CASK: variants seen among roughly 807,000 people sequenced by gnomAD.
The protein encoded by CASK is calcium/calmodulin dependent serine protein kinase, also known as peripheral plasma membrane protein CASK.
Under a neutral mutation model 82.9 loss-of-function variants are expected in CASK, and 4 were observed. The ratio of observed to expected loss-of-function variants is 0.05; its 90% CI spans 0.02 to 0.11. The LOEUF (loss-of-function observed/expected upper bound fraction) is 0.11. CASK is among the 10% of genes least tolerant of loss of function. The pLI is 1.00. For synonymous variants in CASK, 259 were observed against 253.5 expected (o/e 1.02, Z -0.20); for missense variants, 358 against 720.9 (o/e 0.50, Z 5.76).
At chrX:41,869,944 A>G (rs929039340) in intron 1 of CASK, among the ~76,000 whole-genome samples, 1 of 109,663 alleles carries the variant, frequency 9.1e-6, no homozygotes, top group Admixed American at 9.9e-5. Context: ...CACCATGGAG[A>G]AAAACAAAAA....
chrX:41,754,566 T>C (rs1479782206), intron 3 of CASK, among the ~76,000 whole-genome samples: 1 of 111,503 alleles, frequency 9.0e-6, no homozygotes, highest in African/African-American at 3.3e-5. Context: ...TAAAAGTTGT[T>C]CCCTGTGAAA....
At chrX:41,791,257 A>G (rs1334323966) in intron 2 of CASK, among the ~76,000 whole-genome samples, 4 of 110,273 alleles carry the variant, frequency 3.6e-5, no homozygotes, top group African/African-American at 1.3e-4. Flanking sequence ...CCGTCACCCA[A>G]GCAGTGTACA....
In CASK at chrX:41,569,760, AAT is replaced by A; in HGVS notation, c.1504-16_1504-15del. 1 of 1,026,270 alleles carries A rather than the reference AAT, an allele frequency of 9.7e-7. No homozygotes were observed. The highest frequency in any genetic ancestry group is 1.4e-6 in the Non-Finnish European group (1 of 732,692). The allele number at this position is 1,026,270 out of a possible 1,213,427, so 84.6% of individuals were successfully genotyped here. ...TAAAGTGATTCCCTGTTAAAAAAAA[AAT>A]AAAAAGTTCAGCAAAAGTAGAATTA... On this transcript the variant is annotated splice_polypyrimidine_tract_variant and intron_variant, in intron 15 of 26. Coordinates refer to ENST00000378163, the MANE Select transcript of CASK (RefSeq NM_001367721.1).
rs184038202 is a variant in CASK, at chrX:41,900,069, C to T, written c.59+22861G>A. ...TTTGTTTTTTTTTTTTTTCTTTCAG[C>T]GCTTTGAATATATCATCCCATTCTC... On this transcript the variant is annotated intron_variant, in intron 1 of 26. Coordinates refer to ENST00000378163, the MANE Select transcript of CASK (RefSeq NM_001367721.1). 1.9e-3 allele frequency among the ~76,000 whole-genome samples: 198 copies of T among 105,892 alleles called. 3 individuals carry two copies. The highest frequency in any genetic ancestry group is 0.016 in the Admixed American group (161 of 9,963). The allele number at this position is 105,892 out of a possible 115,157, so 92.0% of individuals were successfully genotyped here.
intron 8 of CASK, among the ~76,000 whole-genome samples, chrX:41,640,977 C>CTTTT (rs933827422): frequency 3.6e-3 from 177 of 49,699 alleles, no homozygotes; most frequent in Non-Finnish European, 4.7e-3. Context: ...GGTATCTCGT[C>CTTTT]TTTTTTTTTT....
At chrX:41,784,347 C>A (rs1040374865) in intron 3 of CASK, among the ~76,000 whole-genome samples, 14 of 112,278 alleles carry the variant, frequency 1.2e-4, no homozygotes, top group African/African-American at 4.2e-4. Flanking sequence ...GCAATATATT[C>A]ATGGTAAGCT....
At chrX:41,649,384 G>A (rs1405189894) in intron 8 of CASK, among the ~76,000 whole-genome samples, 1 of 111,478 alleles carries the variant, frequency 9.0e-6, no homozygotes, top group Non-Finnish European at 1.9e-5. Context: ...TTTCTCTTGT[G>A]GGCATTTAGT....
intron 4 of CASK, chrX:41,743,517 T>C (rs2068631239): frequency 3.5e-6 from 1 of 288,028 alleles, no homozygotes; most frequent in Non-Finnish European, 6.1e-6. Flanking sequence ...CATTTGCTCC[T>C]TCGCCCTAGC....
At chrX:41,662,518 G>A (rs974448052) in intron 7 of CASK, among the ~76,000 whole-genome samples, 4 of 111,437 alleles carry the variant, frequency 3.6e-5, no homozygotes, top group Non-Finnish European at 5.7e-5. Flanking sequence ...GGCCGGGTGC[G>A]GTGGCTCACA....
At chrX:41,586,242 G>A (rs2065657654) in intron 14 of CASK, 1 of 112,351 alleles carries the variant, frequency 8.9e-6, no homozygotes, top group Non-Finnish European at 1.9e-5. Context: ...CCAAAGGGCA[G>A]TGAGGTAAAT....
intron 5 of CASK, chrX:41,696,823 C>A: frequency 1.2e-6 from 1 of 822,444 alleles, no homozygotes; most frequent in Non-Finnish European, 1.7e-6. Flanking sequence ...CCTCTTAATT[C>A]TTTGAAGAAC....
chrX:41,539,847 G>A (rs1056828717), intron 22 of CASK, among the ~76,000 whole-genome samples: 2 of 112,127 alleles, frequency 1.8e-5, no homozygotes, highest in Admixed American at 1.9e-4. Flanking sequence ...TGACAGAAAG[G>A]AATGCTAGGC....
At chrX:41,918,944 T>C (rs1383905306) in intron 1 of CASK, among the ~76,000 whole-genome samples, 1 of 112,259 alleles carries the variant, frequency 8.9e-6, no homozygotes, top group Non-Finnish European at 1.9e-5. Context: ...GCGTTGATCT[T>C]TTTTAAAAGC....
At chrX:41,807,146 G>A (rs890772800) in intron 2 of CASK, among the ~76,000 whole-genome samples, 1 of 110,732 alleles carries the variant, frequency 9.0e-6, no homozygotes, top group Middle Eastern at 4.7e-3. Context: ...ATCATTGACT[G>A]TTTTGCTTTT....
At chrX:41,664,132 TAAAC>T in intron 7 of CASK, among the ~76,000 whole-genome samples, 3 of 111,930 alleles carry the variant, frequency 2.7e-5, no homozygotes, top group East Asian at 5.6e-4. Context: ...GTATATATCT[TAAAC>T]TAACTAAAAC....
At chrX:41,594,359 T>A (rs1402659465) in intron 12 of CASK, among the ~76,000 whole-genome samples, 1 of 112,054 alleles carries the variant, frequency 8.9e-6, no homozygotes, top group Admixed American at 9.5e-5. Flanking sequence ...CCCTCCCTCA[T>A]ACAAAGTGAA....
chrX:41,697,026 T>G (rs1262278609), intron 5 of CASK: 3 of 264,084 alleles, frequency 1.1e-5, no homozygotes, highest in Non-Finnish European at 2.1e-5. Flanking sequence ...AAGTGAAATT[T>G]ATGGCTCTAA....
intron 15 of CASK, among the ~76,000 whole-genome samples, chrX:41,573,106 G>A (rs1229580845): frequency 2.2e-5 from 2 of 90,723 alleles, no homozygotes; most frequent in East Asian, 3.3e-4. Context: ...ATGGAGTCTC[G>A]CTCTGTCACC....
intron 8 of CASK, among the ~76,000 whole-genome samples, chrX:41,642,517 G>T (rs769328506): frequency 0.02 from 2,208 of 111,675 alleles, 26 homozygotes; most frequent in Admixed American, 0.047. Flanking sequence ...CATTTTTTCA[G>T]GTGTCTGTTG....
Sources: allele counts gnomAD v4.1 joint callset (sites outside exome capture counted in the v4.1 genomes callset), GRCh38; gene constraint gnomAD v4.1.1; transcripts MANE v1.5; gene names NCBI Gene and HGNC (gene_info 2026-07-23, HGNC 2026-07-21).